The following AMOTL1 variants were observed in gnomAD, a reference collection of about 807,000 sequenced individuals.
AMOTL1 encodes the protein angiomotin-like protein 1.
Under a neutral mutation model 102.9 loss-of-function variants are expected in AMOTL1, and 45 were observed. That is an observed-to-expected ratio of 0.44 (90% confidence interval 0.34 to 0.56). The LOEUF (loss-of-function observed/expected upper bound fraction) is 0.56. Ranked by LOEUF, AMOTL1 falls within the 20% of genes least tolerant of loss-of-function variation. The pLI is 0.01. For missense variants in AMOTL1, 1,114 were observed against 1,225.6 expected, an observed-to-expected ratio of 0.91 and a Z score of 1.36; for synonymous variants, 481 against 484.7, an observed-to-expected ratio of 0.99 and a Z score of 0.10.
intron 6 of AMOTL1, among the ~76,000 whole-genome samples, chr11:94,844,638 T>C (rs1565378261): frequency 6.6e-6 from 1 of 152,212 alleles, no homozygotes; most frequent in East Asian, 1.9e-4. Flanking sequence ...GCAGAACTCA[T>C]TTTTTAAATC....
At chr11:94,831,899 G>C (rs1952079065) in intron 6 of AMOTL1, among the ~76,000 whole-genome samples, 1 of 152,164 alleles carries the variant, frequency 6.6e-6, no homozygotes, top group Admixed American at 6.5e-5. Context: ...GTGGGGTTTG[G>C]TTCTCTCTAG....
chr11:94,759,138 G>A (rs573046177), intron 3 of AMOTL1, among the ~76,000 whole-genome samples: 1 of 152,086 alleles, frequency 6.6e-6, no homozygotes, highest in Non-Finnish European at 1.5e-5. Flanking sequence ...CCAAAAAAGT[G>A]CCCTTTTTGT....
intron 3 of AMOTL1, among the ~76,000 whole-genome samples, chr11:94,811,592 G>A (rs1002669367): frequency 4.6e-5 from 7 of 151,450 alleles, no homozygotes; most frequent in Admixed American, 1.3e-4. Flanking sequence ...CAATTCAGAG[G>A]CCTTGTTCCC....
chr11:94,724,580 T>C (rs961225076), intron 1 of AMOTL1, among the ~76,000 whole-genome samples: 1 of 152,148 alleles, frequency 6.6e-6, no homozygotes, highest in South Asian at 2.1e-4. Context: ...GTTTACCCTG[T>C]GCATGCATCT....
intron 3 of AMOTL1, among the ~76,000 whole-genome samples, chr11:94,743,172 C>T (rs1950548603): frequency 6.6e-6 from 1 of 152,200 alleles, no homozygotes; most frequent in Admixed American, 6.5e-5. Flanking sequence ...CTTTAATAGA[C>T]ATGTTAACTA....
chr11:94,754,193 G>C (rs142602974), intron 3 of AMOTL1, among the ~76,000 whole-genome samples: 1 of 152,130 alleles, frequency 6.6e-6, no homozygotes, highest in African/African-American at 2.4e-5. Flanking sequence ...GACTGCAAGG[G>C]GGACATGGGA....
intron 1 of AMOTL1, among the ~76,000 whole-genome samples, chr11:94,711,643 A>T (rs1190971625): frequency 6.6e-6 from 1 of 152,136 alleles, no homozygotes; most frequent in East Asian, 1.9e-4. Flanking sequence ...TCTGTTGTCC[A>T]TTTATATAAT....
intron 3 of AMOTL1, among the ~76,000 whole-genome samples, chr11:94,811,697 G>A (rs952359878): frequency 2.0e-5 from 3 of 151,890 alleles, no homozygotes; most frequent in Non-Finnish European, 4.4e-5. Context: ...AAACAAACAA[G>A]CAACAACAAC....
At position 94,875,630 on chromosome 11, in the gene AMOTL1, T is replaced by A. The variant is rs1299297980; in HGVS notation, c.*4835T>A. 1 of 151,622 alleles carries A rather than the reference T, an allele frequency of 6.6e-6. No individual in the cohort carries two copies. The highest frequency in any genetic ancestry group is 2.4e-5 in the African/African-American group (1 of 40,954). The allele number at this position is 151,622 out of a possible 1,614,324, so 9.4% of individuals were successfully genotyped here. A position where few individuals can be genotyped will look rare whatever the true frequency, so the allele number is the denominator to read the frequency against. ...CTTAGAGATGAGAAATCCTCCTCCT[T>A]TGAGGATGGATTTAAGTTCTGGAAA... On this transcript the variant is annotated 3_prime_UTR_variant, in exon 13 of 13. Transcript: ENST00000433060.
intron 1 of AMOTL1, among the ~76,000 whole-genome samples, chr11:94,719,693 A>G (rs1425409250): frequency 1.3e-5 from 2 of 152,012 alleles, no homozygotes; most frequent in African/African-American, 4.8e-5. Context: ...TGGGAATACT[A>G]CTGATGAGTG....
At chr11:94,800,918 C>G (rs1426449463) in intron 3 of AMOTL1, among the ~76,000 whole-genome samples, 1 of 152,186 alleles carries the variant, frequency 6.6e-6, no homozygotes, top group African/African-American at 2.4e-5. Flanking sequence ...TTGTATTCTT[C>G]CAGTTGATTG....
intron 7 of AMOTL1, among the ~76,000 whole-genome samples, chr11:94,853,464 A>G (rs1027756544): frequency 3.9e-5 from 6 of 152,134 alleles, no homozygotes; most frequent in Non-Finnish European, 8.8e-5. Context: ...CCATGTCCCT[A>G]CAGAGGACGT....
rs746252706 is a variant in AMOTL1, at chr11:94,866,161, G to A, written c.2481G>A (p.Gly827=). The part of the protein sequence containing the change: ...EEKKEEKTWK[G]SIGLLLGKEH... ...AGAAGGAAGAGAAGACCTGGAAGGG[G>A]AGCATAGGTGAGCCCCACACCTCTG... The change falls in exon 11 of 13, where the codon GGG becomes GGA. Residue 827 remains glycine (G), a synonymous_variant. Transcript: ENST00000433060. 2.5e-6 allele frequency: 4 copies of A among 1,613,840 alleles called. No homozygotes were observed. The highest frequency in any genetic ancestry group is 2.2e-5 in the East Asian group (1 of 44,866).
chr11:94,788,849 A>T (rs1951236290), intron 1 of AMOTL1, among the ~76,000 whole-genome samples: 1 of 152,236 alleles, frequency 6.6e-6, no homozygotes, highest in South Asian at 2.1e-4. Context: ...TAAACTTCAG[A>T]CAAGTTTGAA....
chr11:94,839,775 G>A (rs569824814), intron 6 of AMOTL1, among the ~76,000 whole-genome samples: 62 of 152,266 alleles, frequency 4.1e-4, no homozygotes, highest in African/African-American at 1.3e-3. Flanking sequence ...ATTGACCGAG[G>A]ATTTCATGTT....
intron 3 of AMOTL1, among the ~76,000 whole-genome samples, chr11:94,762,044 T>C (rs562456910): frequency 1.3e-5 from 2 of 152,338 alleles, no homozygotes; most frequent in African/African-American, 4.8e-5. Flanking sequence ...TAATAGTGGC[T>C]TTATGTTGTT....
At chr11:94,728,767 C>T (rs1176973591) in intron 1 of AMOTL1, among the ~76,000 whole-genome samples, 2 of 152,168 alleles carry the variant, frequency 1.3e-5, no homozygotes, top group Non-Finnish European at 2.9e-5. Flanking sequence ...CAACTTCACA[C>T]TCAGGCCATA....
chr11:94,822,328 T>C (rs1222990100), intron 4 of AMOTL1, among the ~76,000 whole-genome samples: 2 of 152,160 alleles, frequency 1.3e-5, no homozygotes. Context: ...CAGTCCCAGC[T>C]ACTCAGGAGG....
At chr11:94,809,559 G>A (rs543823092) in intron 3 of AMOTL1, among the ~76,000 whole-genome samples, 1 of 152,228 alleles carries the variant, frequency 6.6e-6, no homozygotes, top group Non-Finnish European at 1.5e-5. Context: ...CATGGTCTCC[G>A]AAGAGGAAGG....
Sources: allele counts gnomAD v4.1 joint callset (sites outside exome capture counted in the v4.1 genomes callset), GRCh38; gene constraint gnomAD v4.1.1; transcripts MANE v1.5; gene names NCBI Gene and HGNC (gene_info 2026-07-23, HGNC 2026-07-21).